The following TENM1 variants were observed in gnomAD, a reference collection of about 807,000 sequenced individuals.
TENM1 encodes teneurin-1.
A neutral mutation model predicts 174.8 loss-of-function variants in TENM1; 35 were observed. That is an observed-to-expected ratio of 0.20 (90% CI 0.15 to 0.27). The LOEUF is 0.27. TENM1 is among the 10% of genes least tolerant of loss of function. The pLI is 1.00. For missense variants in TENM1, 1,633 were observed against 2,130.1 expected, an observed-to-expected ratio of 0.77 and a Z score of 4.59; for synonymous variants, 781 against 798.7, an observed-to-expected ratio of 0.98 and a Z score of 0.37.
exon 22 of TENM1, chrX:124,481,862 A>G (rs143275111): frequency 9.5e-5 from 115 of 1,204,936 alleles, no homozygotes; most frequent in Non-Finnish European, 1.3e-4. Context: ...TCGTCTCCAC[A>G]AGAGATTTCA....
rs148756817 is a variant in TENM1, at chrX:124,459,900, C to T, written c.3950-6409G>A. Among the ~76,000 whole-genome samples the T allele has an allele frequency of 3.4e-3, 383 of 111,630 alleles. 2 individuals carry two copies. The highest frequency in any genetic ancestry group is 5.5e-3 in the Non-Finnish European group (294 of 53,038). Reference sequence around the variant, plus strand: ...AAGAAAAGAAAAAAACAAACAACCCCATTAATAAGTGGGCAAAGGACATGA... The same window carrying T: ...AAGAAAAGAAAAAAACAAACAACCCTATTAATAAGTGGGCAAAGGACATGA... On this transcript the variant is annotated intron_variant, in intron 22 of 31. Transcript: ENST00000422452.
chrX:124,653,267 G>T (rs1210486584), intron 7 of TENM1, among the ~76,000 whole-genome samples: 2 of 111,480 alleles, frequency 1.8e-5, no homozygotes, highest in African/African-American at 6.5e-5. Context: ...ATCAGTGAAG[G>T]GACTGTGGGC....
At chrX:125,044,541 G>A in the TENM1 span, among the ~76,000 whole-genome samples, 1 of 110,862 alleles carries the variant, frequency 9.0e-6, no homozygotes, top group Non-Finnish European at 1.9e-5. Context: ...AATGAGCTAC[G>A]ATCACATCAC....
upstream of TENM1, among the ~76,000 whole-genome samples, chrX:124,968,169 AATCT>A (rs1342489500): frequency 8.1e-5 from 9 of 111,671 alleles, no homozygotes; most frequent in Admixed American, 5.7e-4. Context: ...CAAAAAATTA[AATCT>A]ATTAATTAAA....
chrX:124,591,347 T>C (rs1307872483), intron 11 of TENM1, among the ~76,000 whole-genome samples: 3 of 111,501 alleles, frequency 2.7e-5, no homozygotes, highest in African/African-American at 9.8e-5. Context: ...TACTGGAGGG[T>C]GTTTGTGTGG....
chrX:124,563,284 G>A (rs756924950), intron 13 of TENM1, among the ~76,000 whole-genome samples: 12 of 110,101 alleles, frequency 1.1e-4, no homozygotes, highest in African/African-American at 3.9e-4. Flanking sequence ...TCCTGCCCCT[G>A]TAAGGACTTA....
At chrX:124,963,427 A>C (rs1228843968) in intron 1 of TENM1, 110 bp downstream of exon 4, 2 of 662,975 alleles carry the variant, frequency 3.0e-6, no homozygotes, top group Non-Finnish European at 4.6e-6. Context: ...AAGCAGTGCG[A>C]ATTATTAACC....
intron 22 of TENM1, among the ~76,000 whole-genome samples, chrX:124,457,504 A>G (rs1454027713): frequency 8.9e-6 from 1 of 112,220 alleles, no homozygotes; most frequent in Non-Finnish European, 1.9e-5. Flanking sequence ...TTATAGGCAA[A>G]ATTATTTGAC....
At chrX:125,102,910 A>T in the TENM1 span, among the ~76,000 whole-genome samples, 1 of 111,919 alleles carries the variant, frequency 8.9e-6, no homozygotes, top group Non-Finnish European at 1.9e-5. Flanking sequence ...TAAGGGTGAG[A>T]GGTGATCCTG....
intron 1 of TENM1, among the ~76,000 whole-genome samples, chrX:124,943,708 G>A (rs2058362602): frequency 8.9e-6 from 1 of 112,055 alleles, no homozygotes; most frequent in Non-Finnish European, 1.9e-5. Context: ...CTTATCCAGA[G>A]AAAACTGGAA....
the TENM1 span, among the ~76,000 whole-genome samples, chrX:125,144,145 A>G: frequency 9.0e-6 from 1 of 111,702 alleles, no homozygotes; most frequent in Non-Finnish European, 1.9e-5. Flanking sequence ...CAACCTTTCA[A>G]TGAATCCAAA....
chrX:125,114,869 A>T, the TENM1 span, among the ~76,000 whole-genome samples: 5 of 111,777 alleles, frequency 4.5e-5, no homozygotes, highest in African/African-American at 1.6e-4. Context: ...AAAAACAGCG[A>T]CTTCTCCCTA....
intron 11 of TENM1, among the ~76,000 whole-genome samples, chrX:124,587,525 T>C (rs1304043616): frequency 1.8e-5 from 2 of 111,198 alleles, no homozygotes; most frequent in African/African-American, 3.3e-5. Flanking sequence ...TTACACCTTA[T>C]ACAAAAACTA....
chrX:124,865,920 A>C (rs367905411), intron 3 of TENM1, among the ~76,000 whole-genome samples: 2 of 112,468 alleles, frequency 1.8e-5, no homozygotes, highest in African/African-American at 6.4e-5. Context: ...AAAGAAGGTC[A>C]CTGTTTAATG....
chrX:124,965,866 C>G (rs1488258491), upstream of TENM1, among the ~76,000 whole-genome samples: 1 of 111,451 alleles, frequency 9.0e-6, no homozygotes, highest in East Asian at 2.8e-4. Flanking sequence ...AATATCTGTA[C>G]TTGGGTATCT....
At chrX:124,515,035 T>C (rs937236728) in intron 18 of TENM1, among the ~76,000 whole-genome samples, 1 of 111,703 alleles carries the variant, frequency 9.0e-6, no homozygotes, top group Admixed American at 9.5e-5. Flanking sequence ...GGATGTAAAG[T>C]TGGTTCAACA....
rs1038668286 is a variant in TENM1, at chrX:124,646,827, A to G, written c.1580-17T>C. On this transcript the variant is annotated splice_polypyrimidine_tract_variant and intron_variant, in intron 8 of 31. Coordinates refer to ENST00000422452, the Ensembl canonical transcript of TENM1. ...CCATTATTTCTAGTAATACAGAGAAAAAGATAAAAAAAATGAACGCATCTC... is the reference window on the plus strand; with the variant it reads ...CCATTATTTCTAGTAATACAGAGAAGAAGATAAAAAAAATGAACGCATCTC... 9.1e-7 allele frequency: 1 copy of G among 1,094,622 alleles called. No individual in the cohort carries two copies. The highest frequency in any genetic ancestry group is 1.3e-6 in the Non-Finnish European group (1 of 795,039). 90.2% of individuals were successfully genotyped at this position (1,094,622 alleles called of 1,213,427 possible).
At chrX:124,743,565 C>A (rs2053849752) in intron 3 of TENM1, among the ~76,000 whole-genome samples, 1 of 111,876 alleles carries the variant, frequency 8.9e-6, no homozygotes, top group South Asian at 3.7e-4. Flanking sequence ...ACAATGTTTT[C>A]TAGTTTCCAT....
chrX:125,057,345 T>G, the TENM1 span, among the ~76,000 whole-genome samples: 1 of 97,093 alleles, frequency 1.0e-5, no homozygotes, highest in African/African-American at 4.3e-5. Context: ...TAATGATATA[T>G]CTATACATAC....
Sources: allele counts gnomAD v4.1 joint callset (sites outside exome capture counted in the v4.1 genomes callset), GRCh38; gene constraint gnomAD v4.1.1; transcripts MANE v1.5; gene names NCBI Gene and HGNC (gene_info 2026-07-23, HGNC 2026-07-21).